Variants in NRXN1 observed in about 807,000 individuals in gnomAD.
NRXN1 encodes the protein neurexin-1.
A neutral mutation model predicts 150.9 loss-of-function variants in NRXN1; 39 were observed. The observed-to-expected ratio is 0.26, with a 90% CI of 0.20 to 0.34. NRXN1 has a LOEUF of 0.34. Ranked by LOEUF, NRXN1 falls within the 10% of genes least tolerant of loss-of-function variation. NRXN1 has a pLI of 1.00. For missense variants in NRXN1, 1,815 were observed against 1,949.9 expected, an observed-to-expected ratio of 0.93 and a Z score of 1.30; for synonymous variants, 924 against 757.0, an observed-to-expected ratio of 1.22 and a Z score of -3.62.
At position 50,651,658 on chromosome 2, in the gene NRXN1, AAAAG is replaced by A. The variant is rs916528814; in HGVS notation, c.833-28047_833-28044del. On this transcript the variant is annotated intron_variant, in intron 5 of 22. Transcript: ENST00000401669. ...AATGACACAGTAAAACTCTATCTCA[AAAAG>A]AAAGAAAGAAAGAATGTTAACTTGC... Among the ~76,000 whole-genome samples, 25 of 152,058 alleles carry A rather than the reference AAAAG, an allele frequency of 1.6e-4. No individual in the cohort carries two copies. In the South Asian group the frequency reaches 4.4e-3, roughly 27 times the overall value.
At chr2:50,035,834 T>C (rs2117560) in intron 21 of NRXN1, among the ~76,000 whole-genome samples, 54,863 of 151,866 alleles carry the variant, frequency 0.36, 10,419 homozygotes, top group Middle Eastern at 0.5. Flanking sequence ...AAAATACATT[T>C]ATGTACCTTA....
chr2:50,813,134 G>C (rs544777186), intron 5 of NRXN1, among the ~76,000 whole-genome samples: 2 of 151,880 alleles, frequency 1.3e-5, no homozygotes, highest in South Asian at 4.1e-4. Context: ...ACTGAAGCTG[G>C]AGTGAGCCAT....
At chr2:49,972,021 G>A (rs548243783) in intron 21 of NRXN1, among the ~76,000 whole-genome samples, 1 of 151,952 alleles carries the variant, frequency 6.6e-6, no homozygotes, top group Non-Finnish European at 1.5e-5. Flanking sequence ...AGTGAGCTGC[G>A]GGCAACCCAA....
intron 18 of NRXN1, among the ~76,000 whole-genome samples, chr2:50,097,375 T>C (rs1275423163): frequency 6.6e-6 from 1 of 152,186 alleles, no homozygotes; most frequent in Non-Finnish European, 1.5e-5. Context: ...ATGCTCTCTC[T>C]ATGCTTGTAC....
At chr2:50,600,438 C>T (rs1294401558) in intron 8 of NRXN1, among the ~76,000 whole-genome samples, 1 of 151,302 alleles carries the variant, frequency 6.6e-6, no homozygotes, top group South Asian at 2.1e-4. Flanking sequence ...AATTCTCCTG[C>T]CTCAGCTTCC....
rs533108202 is a variant in NRXN1, at chr2:50,952,209, G to A, written c.773-26254C>T. Among the ~76,000 whole-genome samples the A allele has an allele frequency of 1.2e-4, 18 of 151,402 alleles. No individual in the cohort carries two copies. In the Middle Eastern group the frequency reaches 0.017, roughly 145 times the overall value. On this transcript the variant is annotated intron_variant, in intron 2 of 22. Coordinates refer to ENST00000401669, the MANE Select transcript of NRXN1 (RefSeq NM_001330078.2). ...TCTCGATCTCCTGACCTCGTGATCC[G>A]CCCGCCTCGGCCTCCCAAAGTGCTG...
intron 5 of NRXN1, among the ~76,000 whole-genome samples, chr2:50,866,957 A>T (rs150323035): frequency 8.6e-5 from 13 of 152,002 alleles, no homozygotes; most frequent in African/African-American, 3.1e-4. Context: ...CTGTTTCCAT[A>T]ATACTCTCTT....
chr2:50,164,339 C>T (rs751396279), intron 18 of NRXN1, among the ~76,000 whole-genome samples: 3 of 152,028 alleles, frequency 2.0e-5, no homozygotes, highest in Non-Finnish European at 2.9e-5. Flanking sequence ...TCTGTGATCA[C>T]GATATTTTCT....
chr2:50,161,574 T>C (rs561488470), intron 18 of NRXN1, among the ~76,000 whole-genome samples: 9 of 152,298 alleles, frequency 5.9e-5, no homozygotes, highest in Non-Finnish European at 8.8e-5. Context: ...GAACTACTAT[T>C]CTTTTCAGAC....
At chr2:50,037,056 G>A (rs1489775217) in intron 21 of NRXN1, among the ~76,000 whole-genome samples, 1 of 152,170 alleles carries the variant, frequency 6.6e-6, no homozygotes, top group Non-Finnish European at 1.5e-5. Context: ...AAAACTAAAT[G>A]ACACAAAAGG....
chr2:50,873,446 C>T (rs1479314124), intron 5 of NRXN1, among the ~76,000 whole-genome samples: 1 of 151,682 alleles, frequency 6.6e-6, no homozygotes, highest in East Asian at 2.0e-4. Context: ...AATAGCATTT[C>T]TATGGATTAA....
At chr2:50,607,408 A>G (rs1244045794) in intron 8 of NRXN1, among the ~76,000 whole-genome samples, 1 of 152,186 alleles carries the variant, frequency 6.6e-6, no homozygotes, top group Non-Finnish European at 1.5e-5. Context: ...TACAAAATTC[A>G]TGCTGCAGAA....
chr2:50,799,404 TAG>T (rs1707279926), intron 5 of NRXN1, among the ~76,000 whole-genome samples: 1 of 152,084 alleles, frequency 6.6e-6, no homozygotes, highest in African/African-American at 2.4e-5. Context: ...AGCCACAAAG[TAG>T]AGAGTCAGAG....
intron 5 of NRXN1, among the ~76,000 whole-genome samples, chr2:50,835,947 T>C (rs1469173798): frequency 2.0e-5 from 3 of 152,192 alleles, no homozygotes; most frequent in African/African-American, 7.2e-5. Flanking sequence ...ATTAATCACA[T>C]GTTAAATGAG....
chr2:50,313,391 C>A (rs2075336972), intron 17 of NRXN1, among the ~76,000 whole-genome samples: 1 of 152,008 alleles, frequency 6.6e-6, no homozygotes. Context: ...ATTTATGATG[C>A]TCTTGAGTAT....
At chr2:50,320,186 G>C (rs755688255) in intron 17 of NRXN1, among the ~76,000 whole-genome samples, 15 of 150,224 alleles carry the variant, frequency 1.0e-4, no homozygotes, top group Non-Finnish European at 1.9e-4. Flanking sequence ...CTAATGAGAA[G>C]GGTCTTGAAT....
chr2:50,630,053 C>T (rs1681982021), intron 5 of NRXN1, among the ~76,000 whole-genome samples: 1 of 151,450 alleles, frequency 6.6e-6, no homozygotes, highest in East Asian at 1.9e-4. Context: ...TTTATGTTGC[C>T]ACACAGTTGG....
chr2:50,192,379 G>A (rs1000365698), intron 18 of NRXN1, among the ~76,000 whole-genome samples: 2 of 152,058 alleles, frequency 1.3e-5, no homozygotes, highest in African/African-American at 4.8e-5. Flanking sequence ...GATACGTCCT[G>A]AAAATAGTTG....
At chr2:50,083,571 A>T (rs1698294731) in intron 19 of NRXN1, among the ~76,000 whole-genome samples, 1 of 152,142 alleles carries the variant, frequency 6.6e-6, no homozygotes, top group Admixed American at 6.5e-5. Context: ...CAAAAGAACA[A>T]GGCTTCCACA....
Sources: allele counts gnomAD v4.1 joint callset (sites outside exome capture counted in the v4.1 genomes callset), GRCh38; gene constraint gnomAD v4.1.1; transcripts MANE v1.5; gene names NCBI Gene and HGNC (gene_info 2026-07-23, HGNC 2026-07-21).